The following CHMP1A variants were observed in gnomAD, a reference collection of about 807,000 sequenced individuals.
CHMP1A encodes VPS46 homolog A.
CHMP1A carries 17 observed loss-of-function variants against 27.0 expected under a neutral mutation model. The ratio of observed to expected loss-of-function variants is 0.63; its 90% CI spans 0.43 to 0.95. The LOEUF (loss-of-function observed/expected upper bound fraction) is 0.95. Among genes scored for constraint, CHMP1A ranks in the 40% least tolerant of loss-of-function variants. The pLI, the probability that CHMP1A is intolerant of heterozygous loss-of-function variation, is 0.00. For missense variants in CHMP1A, 275 were observed against 264.0 expected (o/e 1.04, Z -0.29); for synonymous variants, 131 against 107.5 (o/e 1.22, Z -1.35).
At chr16:89,657,111 A>C in intron 1 of CHMP1A, among the ~76,000 whole-genome samples, 1 of 110,326 alleles carries the variant, frequency 9.1e-6, no homozygotes. Flanking sequence ...GGCCCGGGGT[A>C]AAGGATCTCG....
At position 89,650,159 on chromosome 16, in the gene CHMP1A, A is replaced by G. The variant is rs138297795; in HGVS notation, c.106-662T>C. On this transcript the variant is annotated intron_variant, in intron 3 of 6. Coordinates refer to ENST00000397901, the MANE Select transcript of CHMP1A (RefSeq NM_002768.5). ...CCGATTACGCAGTTTTAAGAGCTGC[A>G]CAAGATCCTACCTTCTTTTCTTTTT... Among the ~76,000 whole-genome samples the G allele has an allele frequency of 3.2e-4, 48 of 152,294 alleles. 1 individual carries two copies. The Middle Eastern group carries it at 0.014, about 43-fold the overall frequency.
intron 2 of CHMP1A, 28 bp from the exon 3 acceptor site, chr16:89,651,674 C>G (rs1269427535): frequency 6.2e-7 from 1 of 1,611,476 alleles, no homozygotes; most frequent in East Asian, 2.2e-5. Context: ...TGTCCTGGGT[C>G]AGACATGCGG....
At chr16:89,649,539 G>C in intron 3 of CHMP1A, 42 bp from the exon 4 acceptor site, 1 of 1,610,792 alleles carries the variant, frequency 6.2e-7, no homozygotes, top group African/African-American at 1.3e-5. Context: ...GCTTGGTGGT[G>C]TGTGTGCCCC....
intron 1 of CHMP1A, among the ~76,000 whole-genome samples, chr16:89,656,144 G>T (rs542016323): frequency 1.3e-5 from 2 of 152,124 alleles, no homozygotes; most frequent in South Asian, 4.2e-4. Flanking sequence ...CTAACTAAAA[G>T]AATTTTTTTT....
At chr16:89,651,882 G>A (rs2059827425) in intron 2 of CHMP1A, among the ~76,000 whole-genome samples, 1 of 152,236 alleles carries the variant, frequency 6.6e-6, no homozygotes, top group Admixed American at 6.5e-5. Context: ...CTCAGGCTCT[G>A]TCTGGGTTTT....
rs1568000417 is a variant in CHMP1A at position 89,647,645 on chromosome 16, TGG to T, written c.253-316_253-315del. Reference sequence around the variant, plus strand: ...GTCGGTGGAGAAAAGGCCGCCGACGTGGGGACCCAGCGCGGGGTCGGTGGAGA... The same window carrying T: ...GTCGGTGGAGAAAAGGCCGCCGACGTGGACCCAGCGCGGGGTCGGTGGAGA... On this transcript the variant is annotated intron_variant, in intron 4 of 6. Coordinates refer to ENST00000397901, the MANE Select transcript of CHMP1A (RefSeq NM_002768.5). Among the ~76,000 whole-genome samples the T allele has an allele frequency of 4.8e-3, 290 of 60,656 alleles. 16 individuals carry two copies. Among genetic ancestry groups the T allele is most frequent in the South Asian group, 0.011 (21 of 1,942 alleles). 39.8% of individuals were successfully genotyped at this position (60,656 alleles called of 152,430 possible). A position where few individuals can be genotyped will look rare whatever the true frequency, so the allele number is the denominator to read the frequency against.
intron 5 of CHMP1A, 34 bp from the exon 6 acceptor site, chr16:89,646,748 G>C: frequency 2.5e-6 from 4 of 1,595,612 alleles, no homozygotes; most frequent in Non-Finnish European, 3.4e-6. Flanking sequence ...ACAACAGGTG[G>C]GGCCAGGCCC....
intron 5 of CHMP1A, 183 bp downstream of exon 5, chr16:89,647,020 C>T: frequency 1.3e-6 from 2 of 1,516,608 alleles, no homozygotes. Context: ...GCCCCCGCCG[C>T]CCTGCCCACC....
At chr16:89,655,510 T>C (rs1390912456) in intron 1 of CHMP1A, among the ~76,000 whole-genome samples, 1 of 152,130 alleles carries the variant, frequency 6.6e-6, no homozygotes, top group African/African-American at 2.4e-5. Flanking sequence ...CTTCCAGCCG[T>C]GTGTGGCAGC....
intron 5 of CHMP1A, 37 bp downstream of exon 5, chr16:89,647,166 T>C (rs762878910): frequency 6.2e-7 from 1 of 1,602,176 alleles, no homozygotes; most frequent in Admixed American, 1.7e-5. Flanking sequence ...ACGCTCCTTG[T>C]CCCCAGGCCA....
In CHMP1A at chr16:89,647,347, G is replaced by T. The variant is rs1317079970; in HGVS notation, c.253-16C>A. ...TCTTGGTCACCTGAGACAGGAGAGAGCGCAGGAGGGAACAGGATGAAAGGC... is the reference window on the plus strand; with the variant it reads ...TCTTGGTCACCTGAGACAGGAGAGATCGCAGGAGGGAACAGGATGAAAGGC... On this transcript the variant is annotated splice_polypyrimidine_tract_variant and intron_variant, in intron 4 of 6. Coordinates refer to ENST00000397901, the MANE Select transcript of CHMP1A (RefSeq NM_002768.5). 2.5e-6 allele frequency: 4 copies of T among 1,600,986 alleles called. No individual in the cohort carries two copies. Among genetic ancestry groups the T allele is most frequent in the Non-Finnish European group, 3.4e-6 (4 of 1,170,228 alleles).
chr16:89,657,265 C>T (rs1393369908), intron 1 of CHMP1A, among the ~76,000 whole-genome samples: 5 of 142,994 alleles, frequency 3.5e-5, no homozygotes, highest in African/African-American at 7.9e-5. Flanking sequence ...GAAAAGGGGT[C>T]CCGGGTTGGT....
intron 1 of CHMP1A, among the ~76,000 whole-genome samples, chr16:89,657,345 G>C (rs1456103027): frequency 6.8e-5 from 10 of 147,780 alleles, no homozygotes; most frequent in African/African-American, 2.5e-4. Context: ...GGGGTCCCAG[G>C]TCGGTGGTCG....
rs2151520822 is a variant in CHMP1A at position 89,657,632 on chromosome 16, C to T, written c.-44G>A. On this transcript the variant is annotated 5_prime_UTR_variant, in exon 1 of 7. Coordinates refer to ENST00000397901, the MANE Select transcript of CHMP1A (RefSeq NM_002768.5). Reference sequence around the variant, plus strand: ...AGCACTCGGAGAGGGAGAAGGGACGCCAACTCCGGGCGGTGTCAGGTCCCG... The same window carrying T: ...AGCACTCGGAGAGGGAGAAGGGACGTCAACTCCGGGCGGTGTCAGGTCCCG... 2 of 1,608,948 alleles carry T rather than the reference C, an allele frequency of 1.2e-6. No homozygotes were observed. Among genetic ancestry groups the T allele is most frequent in the Non-Finnish European group, 1.7e-6 (2 of 1,178,442 alleles).
At chr16:89,647,000 C>T in intron 5 of CHMP1A, 1 of 1,476,810 alleles carries the variant, frequency 6.8e-7, no homozygotes, top group South Asian at 1.2e-5. Flanking sequence ...GAGCCAGGTG[C>T]CTGCAGGAGG....
At chr16:89,652,730 A>G (rs4602039) in intron 2 of CHMP1A, among the ~76,000 whole-genome samples, 1 of 152,248 alleles carries the variant, frequency 6.6e-6, no homozygotes, top group Non-Finnish European at 1.5e-5. Context: ...TGACAGGCCC[A>G]CCGTGATGGG....
chr16:89,653,993 T>C, intron 1 of CHMP1A, 70 bp from the exon 2 acceptor site: 1 of 1,519,310 alleles, frequency 6.6e-7, no homozygotes, highest in Non-Finnish European at 9.1e-7. Flanking sequence ...CAGGCAGGAC[T>C]CACTAGGTTC....
intron 2 of CHMP1A, among the ~76,000 whole-genome samples, chr16:89,653,446 C>T (rs2059840445): frequency 6.7e-6 from 1 of 150,082 alleles, no homozygotes; most frequent in African/African-American, 2.4e-5. Context: ...TGGTGAAACC[C>T]CGTCTCTATT....
At chr16:89,647,387 C>T in intron 4 of CHMP1A, 56 bp from the exon 5 acceptor site, 5 of 1,542,972 alleles carry the variant, frequency 3.2e-6, no homozygotes, top group Non-Finnish European at 4.4e-6. Context: ...GGAGCTCACG[C>T]ACCAGGGACG....
Sources: gnomAD v4.1 joint callset for allele counts (sites outside exome capture counted in the v4.1 genomes callset) on GRCh38, gnomAD v4.1.1 for gene constraint, MANE v1.5 for transcripts, NCBI Gene and HGNC (gene_info 2026-07-23, HGNC 2026-07-21) for gene names.